The following PCDH7 variants were observed in gnomAD, a reference collection of about 807,000 sequenced individuals.
PCDH7 encodes protocadherin-7.
Under a neutral mutation model 58.9 loss-of-function variants are expected in PCDH7, and 17 were observed. That is an observed-to-expected ratio of 0.29 (90% CI 0.20 to 0.43). The LOEUF is 0.43. Among genes scored for constraint, PCDH7 ranks in the 20% least tolerant of loss-of-function variants. The pLI is 1.00. For synonymous variants in PCDH7, 664 were observed against 616.4 expected (o/e 1.08, Z -1.14); for missense variants, 1,274 against 1,441.0 (o/e 0.88, Z 1.88).
chr4:30,889,522 A>T (rs1738326251), intron 1 of PCDH7, among the ~76,000 whole-genome samples: 1 of 152,148 alleles, frequency 6.6e-6, no homozygotes, highest in Non-Finnish European at 1.5e-5. Flanking sequence ...TATATACAAA[A>T]TCTTCTATGT....
chr4:31,001,374 C>T (rs1752351964), intron 3 of PCDH7, among the ~76,000 whole-genome samples: 1 of 152,034 alleles, frequency 6.6e-6, no homozygotes, highest in Non-Finnish European at 1.5e-5. Flanking sequence ...ACATTAAACA[C>T]ATGCTTATAT....
At chr4:30,954,603 G>A (rs1047023667) in intron 3 of PCDH7, among the ~76,000 whole-genome samples, 1 of 152,118 alleles carries the variant, frequency 6.6e-6, no homozygotes, top group Non-Finnish European at 1.5e-5. Context: ...GAAGGGGTAT[G>A]CCATGTGCAA....
At chr4:30,925,907 A>C (rs1273769016) in intron 2 of PCDH7, 1 of 152,242 alleles carries the variant, frequency 6.6e-6, no homozygotes, top group African/African-American at 2.4e-5. Context: ...CAGTGCTGTA[A>C]GTAGAATCTA....
intron 2 of PCDH7, among the ~76,000 whole-genome samples, chr4:30,936,035 TAAA>T (rs2109431021): frequency 6.6e-6 from 1 of 151,970 alleles, no homozygotes; most frequent in African/African-American, 2.4e-5. Context: ...AAAGAAGCAC[TAAA>T]AAAGAACAAC....
intron 3 of PCDH7, among the ~76,000 whole-genome samples, chr4:31,053,173 C>T (rs1220522252): frequency 3.3e-5 from 5 of 151,998 alleles, no homozygotes. Context: ...TTGCCTCTAC[C>T]TCGCCTCACT....
intron 1 of PCDH7, among the ~76,000 whole-genome samples, chr4:30,740,192 A>G (rs1716880114): frequency 1.3e-5 from 2 of 152,214 alleles, no homozygotes; most frequent in African/African-American, 4.8e-5. Context: ...TATATGAAGT[A>G]GAGGGAACAC....
rs1346728510 is a variant in PCDH7 at position 30,888,080 on chromosome 4, T to C, written c.71-32073T>C. Among the ~76,000 whole-genome samples the C allele has an allele frequency of 3.3e-5, 5 of 152,280 alleles. No homozygotes were observed. In the East Asian group the frequency reaches 9.6e-4, roughly 29 times the overall value. On this transcript the variant is annotated intron_variant, in intron 1 of 3. Coordinates refer to the PCDH7 transcript ENST00000509759. ...TAGTAGAGACGGGGTTTCACCATGT[T>C]GGTCAGTCTGGTCTCGAACCCCTGA...
chr4:31,120,579 A>T (rs1182699531), intron 3 of PCDH7, among the ~76,000 whole-genome samples: 4 of 151,848 alleles, frequency 2.6e-5, no homozygotes, highest in African/African-American at 9.7e-5. Context: ...CCTTTCTTAA[A>T]TTCATATTTA....
At chr4:31,103,810 A>G (rs1715207616) in intron 3 of PCDH7, among the ~76,000 whole-genome samples, 1 of 152,226 alleles carries the variant, frequency 6.6e-6, no homozygotes, top group Admixed American at 6.5e-5. Context: ...TTAATTGTTT[A>G]CCATTTTTCA....
chr4:30,778,697 T>G (rs1036901443), intron 1 of PCDH7, among the ~76,000 whole-genome samples: 2 of 152,186 alleles, frequency 1.3e-5, no homozygotes, highest in African/African-American at 2.4e-5. Flanking sequence ...AAATTTGCTA[T>G]AAATTAAAAG....
At chr4:31,121,967 T>C (rs554101752) in intron 3 of PCDH7, among the ~76,000 whole-genome samples, 39 of 152,264 alleles carry the variant, frequency 2.6e-4, no homozygotes, top group African/African-American at 9.4e-4. Flanking sequence ...AGAATCATTA[T>C]TACATCTGAA....
chr4:30,875,228 T>C (rs1187464668), intron 1 of PCDH7, among the ~76,000 whole-genome samples: 1 of 152,078 alleles, frequency 6.6e-6, no homozygotes, highest in Non-Finnish European at 1.5e-5. Flanking sequence ...CATCGTCGTG[T>C]TCACATCTTG....
intron 3 of PCDH7, among the ~76,000 whole-genome samples, chr4:31,019,171 G>GA (rs1179742811): frequency 2.0e-5 from 3 of 148,400 alleles, no homozygotes; most frequent in East Asian, 2.0e-4. Flanking sequence ...TAACTGCAAA[G>GA]AAAAAAAAAG....
downstream of PCDH7, among the ~76,000 whole-genome samples, chr4:30,735,190 C>T (rs1378337280): frequency 6.6e-6 from 1 of 152,096 alleles, no homozygotes; most frequent in East Asian, 1.9e-4. Context: ...ATATCATTAT[C>T]TGGAGAAGAT....
At position 30,800,074 on chromosome 4, in the gene PCDH7, G is replaced by A. The variant is rs189170235; in HGVS notation, c.70+75478G>A. Among the ~76,000 whole-genome samples the A allele has an allele frequency of 1.7e-3, 265 of 151,472 alleles. 5 individuals carry two copies. The highest frequency in any genetic ancestry group is 4.9e-3 in the Admixed American group (75 of 15,166). ...GGGATTTCATTATGTTGGGCAGACC[G>A]GTCTCGAACTCCTGACCTCATGATC... On this transcript the variant is annotated intron_variant, in intron 1 of 3. Coordinates refer to the PCDH7 transcript ENST00000509759.
chr4:31,052,915 C>T (rs1756873991), intron 3 of PCDH7, among the ~76,000 whole-genome samples: 1 of 151,916 alleles, frequency 6.6e-6, no homozygotes, highest in Non-Finnish European at 1.5e-5. Flanking sequence ...ATTTTTTCTC[C>T]TTTTTCTCTT....
At position 30,962,794 on chromosome 4, in the gene PCDH7, A is replaced by C. The variant is rs530972280; in HGVS notation, c.*7+12579A>C. ...CCAGTCTTAAAAAAAAAAAAAAAAA[A>C]AAAAAAAAAAACAGTGGTAATTCTA... On this transcript the variant is annotated intron_variant, in intron 3 of 3. Coordinates refer to the PCDH7 transcript ENST00000509759. Among the ~76,000 whole-genome samples, 447 of 145,234 alleles carry C rather than the reference A, an allele frequency of 3.1e-3. 7 individuals carry two copies. The highest frequency in any genetic ancestry group is 9.1e-3 in the African/African-American group (345 of 38,022).
At chr4:31,043,902 C>G (rs1453390863) in intron 3 of PCDH7, among the ~76,000 whole-genome samples, 1 of 152,038 alleles carries the variant, frequency 6.6e-6, no homozygotes, top group Non-Finnish European at 1.5e-5. Context: ...ATTGCTTTGT[C>G]ATGGTAAAGG....
At position 31,013,592 on chromosome 4, in the gene PCDH7, T is replaced by TACACACACAC. The variant is rs138674335; in HGVS notation, c.*7+63395_*7+63404dup. Among the ~76,000 whole-genome samples the TACACACACAC allele has an allele frequency of 6.7e-4, 98 of 146,436 alleles. 1 individual carries two copies. In the South Asian group the frequency reaches 0.012, roughly 18 times the overall value. ...AGAGTATGTCCATATATATATTTTA[T>TACACACACAC]ACACACACACACACACACACACACA... is the stretch of plus-strand genomic sequence containing the variant. On this transcript the variant is annotated intron_variant, in intron 3 of 3. Coordinates refer to the PCDH7 transcript ENST00000509759.
Sources: allele counts gnomAD v4.1 joint callset (sites outside exome capture counted in the v4.1 genomes callset), GRCh38; gene constraint gnomAD v4.1.1; transcripts MANE v1.5; gene names NCBI Gene and HGNC (gene_info 2026-07-23, HGNC 2026-07-21).